The following MAP4K4 variants were observed in gnomAD, a reference collection of about 807,000 sequenced individuals.
The protein encoded by MAP4K4 is HPK/GCK-like kinase HGK.
A neutral mutation model predicts 189.6 loss-of-function variants in MAP4K4; 38 were observed. The ratio of observed to expected loss-of-function variants is 0.20; its 90% CI spans 0.15 to 0.26. The LOEUF (loss-of-function observed/expected upper bound fraction) is 0.26, where lower values mean the gene tolerates loss of function less well. Among genes scored for constraint, MAP4K4 ranks in the 10% least tolerant of loss-of-function variants. The pLI, the probability that MAP4K4 is intolerant of heterozygous loss-of-function variation, is 1.00. For missense variants in MAP4K4, 1,054 were observed against 1,726.9 expected, an observed-to-expected ratio of 0.61 and a Z score of 6.91; for synonymous variants, 610 against 624.3, an observed-to-expected ratio of 0.98 and a Z score of 0.34.
chr2:101,746,045 C>T (rs1244562607), intron 2 of MAP4K4, among the ~76,000 whole-genome samples: 2 of 151,396 alleles, frequency 1.3e-5, no homozygotes, highest in African/African-American at 2.4e-5. Flanking sequence ...AGCTGGAATA[C>T]AGTGATGTGA....
chr2:101,827,892 C>G (rs1359406455), intron 5 of MAP4K4, among the ~76,000 whole-genome samples: 1 of 152,160 alleles, frequency 6.6e-6, no homozygotes. Context: ...AACACTGATG[C>G]ATTTGCTCGA....
rs760140939 is a variant in MAP4K4 at position 101,874,256 on chromosome 2, G to C, written c.3241+4G>C. ...ATTCTGTGTGCTGCCTTATGGGGTA[G>C]GTGTCTAGCCACTACTCCAACACTT... On this transcript the variant is annotated splice_donor_region_variant and intron_variant, in intron 26 of 32. Transcript: ENST00000324219. 5 of 1,604,036 alleles carry C rather than the reference G, an allele frequency of 3.1e-6. No homozygotes were observed. In the East Asian group the frequency reaches 6.7e-5, roughly 22 times the overall value.
chr2:101,741,313 G>A (rs532219874), intron 2 of MAP4K4, among the ~76,000 whole-genome samples: 37 of 151,832 alleles, frequency 2.4e-4, no homozygotes, highest in South Asian at 1.3e-3. Flanking sequence ...GACTACAGGC[G>A]CCCGCCACCA....
At chr2:101,855,217 A>G (rs1041849358) in intron 12 of MAP4K4, among the ~76,000 whole-genome samples, 1 of 152,136 alleles carries the variant, frequency 6.6e-6, no homozygotes, top group Non-Finnish European at 1.5e-5. Flanking sequence ...GATGGGATGC[A>G]GGGTAGAGGG....
intron 6 of MAP4K4, among the ~76,000 whole-genome samples, chr2:101,829,979 T>C (rs1286724843): frequency 6.6e-6 from 1 of 152,202 alleles, no homozygotes; most frequent in Non-Finnish European, 1.5e-5. Flanking sequence ...CCCTCTTTAC[T>C]TCTCTCTTCA....
At chr2:101,879,823 AGCT>A (rs1424951764) in intron 27 of MAP4K4, among the ~76,000 whole-genome samples, 2 of 146,206 alleles carry the variant, frequency 1.4e-5, no homozygotes, top group East Asian at 3.9e-4. Flanking sequence ...TTCTAGTGTC[AGCT>A]GCTGCTTTTT....
chr2:101,776,589 A>C (rs1330152385), intron 2 of MAP4K4, among the ~76,000 whole-genome samples: 8 of 21,816 alleles, frequency 3.7e-4, no homozygotes, highest in East Asian at 1.6e-3. Flanking sequence ...CACCCCCCCA[A>C]AAAAAAACAC....
intron 3 of MAP4K4, among the ~76,000 whole-genome samples, chr2:101,814,796 T>C (rs1045271165): frequency 1.3e-5 from 2 of 152,204 alleles, no homozygotes; most frequent in Non-Finnish European, 2.9e-5. Flanking sequence ...TGGTGATTCA[T>C]GAAACATATG....
intron 2 of MAP4K4, among the ~76,000 whole-genome samples, chr2:101,769,749 A>G (rs2080402537): frequency 6.6e-6 from 1 of 151,844 alleles, no homozygotes; most frequent in Admixed American, 6.6e-5. Flanking sequence ...ACACCCAGCT[A>G]ATTTTTGTTT....
chr2:101,748,762 G>A (rs941355631), intron 2 of MAP4K4, among the ~76,000 whole-genome samples: 4 of 151,528 alleles, frequency 2.6e-5, no homozygotes, highest in Non-Finnish European at 4.4e-5. Flanking sequence ...AGAAAACCCC[G>A]TTGTCTCAGC....
chr2:101,761,360 G>A (rs1289682820), intron 2 of MAP4K4, among the ~76,000 whole-genome samples: 1 of 150,426 alleles, frequency 6.6e-6, no homozygotes, highest in Non-Finnish European at 1.5e-5. Flanking sequence ...AGCTAATGTT[G>A]CTTGATCTTT....
At chr2:101,787,808 T>TTTC in intron 2 of MAP4K4, among the ~76,000 whole-genome samples, 1 of 146,800 alleles carries the variant, frequency 6.8e-6, no homozygotes, top group Middle Eastern at 3.4e-3. Flanking sequence ...AGTTTGCTTT[T>TTTC]TTTTTTTTTT....
intron 2 of MAP4K4, among the ~76,000 whole-genome samples, chr2:101,701,617 T>C (rs1293166297): frequency 6.6e-6 from 1 of 152,206 alleles, no homozygotes; most frequent in African/African-American, 2.4e-5. Flanking sequence ...TTGAACAGTA[T>C]GTAACTTCAT....
chr2:101,845,018 T>C (rs1305796952), intron 12 of MAP4K4, among the ~76,000 whole-genome samples: 1 of 152,040 alleles, frequency 6.6e-6, no homozygotes, highest in Admixed American at 6.5e-5. Context: ...AAGATGGGAA[T>C]GATGGTCTAC....
At chr2:101,762,628 G>T (rs2076970391) in intron 2 of MAP4K4, among the ~76,000 whole-genome samples, 1 of 152,164 alleles carries the variant, frequency 6.6e-6, no homozygotes, top group African/African-American at 2.4e-5. Context: ...ATCTAAATGG[G>T]AGCTCTTTAA....
At chr2:101,757,341 A>G (rs2073404955) in intron 2 of MAP4K4, among the ~76,000 whole-genome samples, 1 of 152,234 alleles carries the variant, frequency 6.6e-6, no homozygotes, top group Admixed American at 6.5e-5. Context: ...TTCTGCATTT[A>G]TCTCTTTTTC....
intron 3 of MAP4K4, among the ~76,000 whole-genome samples, chr2:101,792,627 C>CCTCCTT (rs1409824368): frequency 3.5e-5 from 5 of 141,546 alleles, no homozygotes; most frequent in East Asian, 2.1e-4. Context: ...TCCTCCTCCT[C>CCTCCTT]CTTCTTCTTT....
At chr2:101,708,310 A>C (rs1355636026) in intron 2 of MAP4K4, among the ~76,000 whole-genome samples, 1 of 149,004 alleles carries the variant, frequency 6.7e-6, no homozygotes, top group Non-Finnish European at 1.5e-5. Flanking sequence ...TTTCATCCAG[A>C]ACAATAACAA....
intron 2 of MAP4K4, among the ~76,000 whole-genome samples, chr2:101,731,043 C>CA (rs1007035641): frequency 1.1e-3 from 151 of 138,826 alleles, no homozygotes; most frequent in South Asian, 5.2e-3. Flanking sequence ...GAGACTGTCT[C>CA]AAAAAAAAAA....
Sources: gnomAD v4.1 joint callset for allele counts (sites outside exome capture counted in the v4.1 genomes callset) on GRCh38, gnomAD v4.1.1 for gene constraint, MANE v1.5 for transcripts, NCBI Gene and HGNC (gene_info 2026-07-23, HGNC 2026-07-21) for gene names.